The following METTL8 variants were observed in gnomAD, a reference collection of about 807,000 sequenced individuals.
METTL8 encodes methyltransferase 8, tRNA N3-cytidine.
METTL8 carries 32 observed loss-of-function variants against 48.7 expected under a neutral mutation model. The observed-to-expected ratio is 0.66, with a 90% CI of 0.50 to 0.88. The LOEUF is 0.88. Ranked by LOEUF, METTL8 falls within the 40% of genes least tolerant of loss-of-function variation. The pLI is 0.00. For synonymous variants in METTL8, 136 were observed against 157.1 expected, an observed-to-expected ratio of 0.87 and a Z score of 1.01; for missense variants, 464 against 474.4, an observed-to-expected ratio of 0.98 and a Z score of 0.20.
Position 171,325,190 on chromosome 2 carries a change from T to C in METTL8, c.1033+651A>G, listed in dbSNP as rs1684825720. On this transcript the variant is annotated intron_variant, in intron 9 of 9. Transcript: ENST00000375258. ...ATTTTCCTTCTTTCTATTTTGAAAATGTATTGTTTTTTTAGACATAAGATT... is the reference window on the plus strand; with the variant it reads ...ATTTTCCTTCTTTCTATTTTGAAAACGTATTGTTTTTTTAGACATAAGATT... 2.0e-5 allele frequency among the ~76,000 whole-genome samples: 3 copies of C among 147,698 alleles called. No homozygotes were observed. In the South Asian group the frequency reaches 6.4e-4, roughly 32 times the overall value.
chr2:171,359,436 A>T (rs1028733783), intron 3 of METTL8, among the ~76,000 whole-genome samples: 9 of 152,204 alleles, frequency 5.9e-5, no homozygotes, highest in African/African-American at 2.2e-4. Context: ...TAGTATGACC[A>T]CTATGGAAAA....
At chr2:171,346,176 G>A (rs1274208786) in intron 3 of METTL8, among the ~76,000 whole-genome samples, 3 of 152,006 alleles carry the variant, frequency 2.0e-5, no homozygotes, top group Non-Finnish European at 2.9e-5. Flanking sequence ...CTACAAGCAC[G>A]CACAACCACG....
intron 1 of METTL8, among the ~76,000 whole-genome samples, chr2:171,423,244 G>A (rs1228996920): frequency 6.6e-6 from 1 of 152,138 alleles, no homozygotes; most frequent in East Asian, 1.9e-4. Context: ...AAATTACCCA[G>A]TCTCAGGTAT....
intron 1 of METTL8, among the ~76,000 whole-genome samples, chr2:171,430,116 G>A (rs1041834093): frequency 6.6e-6 from 1 of 151,894 alleles, no homozygotes. Flanking sequence ...CCAGCACTTT[G>A]GGAGGCCAAA....
chr2:171,338,507 G>A (rs1686352285), intron 4 of METTL8, among the ~76,000 whole-genome samples: 1 of 152,008 alleles, frequency 6.6e-6, no homozygotes, highest in South Asian at 2.1e-4. Context: ...GGGTGTGGTG[G>A]CAGGCGCCTG....
intron 2 of METTL8, among the ~76,000 whole-genome samples, chr2:171,363,110 G>T (rs992664947): frequency 6.6e-6 from 1 of 151,992 alleles, no homozygotes; most frequent in Non-Finnish European, 1.5e-5. Flanking sequence ...TTATTTAATA[G>T]ATTTAGTTAT....
Position 171,405,299 on chromosome 2 carries a change from G to GA in METTL8, c.-12-13103dup, listed in dbSNP as rs141936955. ...GCTGAAGTCGAGAGGGACTGATCAA[G>GA]AAAAAAAAATAGGGCAGATGGAACT... On this transcript the variant is annotated intron_variant, in intron 1 of 9. Transcript: ENST00000375258. 4.2e-3 allele frequency among the ~76,000 whole-genome samples: 625 copies of GA among 149,712 alleles called. 3 individuals are homozygous for GA. The highest frequency in any genetic ancestry group is 5.4e-3 in the Non-Finnish European group (366 of 67,290).
In METTL8 at chr2:171,386,470, A is replaced by G. The variant is rs77647564; in HGVS notation, c.143+5573T>C. 1.1e-3 allele frequency among the ~76,000 whole-genome samples: 164 copies of G among 152,332 alleles called. 4 individuals carry two copies. Among genetic ancestry groups the G allele is most frequent in the East Asian group, 9.6e-3 (50 of 5,184 alleles). ...AAGAGGTGAAACCAATTTTAAAAAT[A>G]TATTTTATTTAGGCCAGGCACAGTG... On this transcript the variant is annotated intron_variant, in intron 2 of 9. Transcript: ENST00000375258.
At chr2:171,434,727 G>C, upstream of METTL8, 1 of 1,413,600 alleles carries the variant, frequency 7.1e-7, no homozygotes, top group South Asian at 1.5e-5. Flanking sequence ...GGCCGGGGCG[G>C]GACGGAGGGC....
rs1319998208 is a variant in METTL8, at chr2:171,326,057, G to A, written c.952C>T (p.Leu318Phe). 2 of 1,538,602 alleles carry A rather than the reference G, an allele frequency of 1.3e-6. No homozygotes were observed. Among genetic ancestry groups the A allele is most frequent in the Non-Finnish European group, 1.8e-6 (2 of 1,137,292 alleles). ...ATACTATTACCCTTTTTAAAACGAA[G>A]CTGAGTCTTATCATATCTTCCATAG... Reference protein sequence around the residue: ...RDYGRYDKTQLRFKKGHCLSE... With the variant: ...RDYGRYDKTQFRFKKGHCLSE... Residue 318 changes from leucine to phenylalanine, a missense_variant, in exon 8 of 10, where the codon CTT becomes TTT. Leu to Phe is a conservative substitution (Grantham distance 22). Transcript: ENST00000375258.
At chr2:171,429,419 A>G (rs1440999278) in intron 1 of METTL8, among the ~76,000 whole-genome samples, 1 of 152,230 alleles carries the variant, frequency 6.6e-6, no homozygotes, top group African/African-American at 2.4e-5. Context: ...CTCTCAACAC[A>G]AGGGCAATAT....
chr2:171,326,041 C>A lies in METTL8; in HGVS notation c.967+1G>T, dbSNP rs1237143529. 6.7e-7 allele frequency: 1 copy of A among 1,495,472 alleles called. No individual in the cohort carries two copies. The allele number at this position is 1,495,472 out of a possible 1,614,324, so 92.6% of individuals were successfully genotyped here. On this transcript the variant is annotated splice_donor_variant, in intron 8 of 9. Transcript: ENST00000375258. LOFTEE classifies it high-confidence loss of function. ...TAACCTCAAACTGAATATACTATTACCCTTTTTAAAACGAAGCTGAGTCTT... is the reference window on the plus strand; with the variant it reads ...TAACCTCAAACTGAATATACTATTAACCTTTTTAAAACGAAGCTGAGTCTT...
chr2:171,336,928 G>C (rs1436395100), intron 5 of METTL8, among the ~76,000 whole-genome samples: 1 of 133,484 alleles, frequency 7.5e-6, no homozygotes, highest in Non-Finnish European at 1.5e-5. Flanking sequence ...GGAGTGCAAT[G>C]GCGCAGTCGG....
intron 2 of METTL8, among the ~76,000 whole-genome samples, chr2:171,372,755 T>C (rs1303816151): frequency 5.9e-5 from 9 of 152,314 alleles, no homozygotes; most frequent in East Asian, 5.8e-4. Flanking sequence ...GTCCTTGCGA[T>C]AGTTTGCTGA....
In METTL8 at chr2:171,341,187, G is replaced by T. The variant is rs963875080; in HGVS notation, c.236-1633C>A. 6.0e-5 allele frequency among the ~76,000 whole-genome samples: 9 copies of T among 148,954 alleles called. No individual in the cohort carries two copies. In the Admixed American group the frequency reaches 6.0e-4, roughly 10 times the overall value. On this transcript the variant is annotated intron_variant, in intron 3 of 9. Transcript: ENST00000375258. ...TACTAAAAATACAAAAATTAGCCAG[G>T]TGTGGTGGCAGGCGCCTGTAATCCC...
intron 2 of METTL8, among the ~76,000 whole-genome samples, chr2:171,380,945 A>G (rs1687465529): frequency 6.6e-6 from 1 of 152,218 alleles, no homozygotes; most frequent in Non-Finnish European, 1.5e-5. Flanking sequence ...AGCTAAGACA[A>G]TCCTAACCAA....
At chr2:171,384,650 T>C (rs948692804) in intron 2 of METTL8, among the ~76,000 whole-genome samples, 2 of 151,510 alleles carry the variant, frequency 1.3e-5, no homozygotes, top group African/African-American at 4.9e-5. Flanking sequence ...GGCAACATAG[T>C]GAGACCCCAC....
intron 2 of METTL8, among the ~76,000 whole-genome samples, chr2:171,381,947 A>C (rs944850361): frequency 1.3e-5 from 2 of 152,090 alleles, no homozygotes; most frequent in African/African-American, 2.4e-5. Flanking sequence ...ACGCCCAGCT[A>C]ATTTTTTTGT....
chr2:171,339,046 T>A, intron 4 of METTL8, 138 bp downstream of exon 4: 1 of 596,164 alleles, frequency 1.7e-6, no homozygotes, highest in Non-Finnish European at 2.6e-6. Flanking sequence ...ATATTATTTA[T>A]GCACAGAAGT....
Sources: allele counts gnomAD v4.1 joint callset (sites outside exome capture counted in the v4.1 genomes callset), GRCh38; gene constraint gnomAD v4.1.1; transcripts MANE v1.5; gene names NCBI Gene and HGNC (gene_info 2026-07-23, HGNC 2026-07-21).